The following RGS6 variants were observed in gnomAD, a reference collection of about 807,000 sequenced individuals.
RGS6 encodes regulator of G protein signaling 6.
Under a neutral mutation model 78.5 loss-of-function variants are expected in RGS6, and 30 were observed. That is an observed-to-expected ratio of 0.38 (90% confidence interval 0.29 to 0.52). The LOEUF (loss-of-function observed/expected upper bound fraction) is 0.52. Among genes scored for constraint, RGS6 ranks in the 20% least tolerant of loss-of-function variants. The probability of loss-of-function intolerance (pLI) is 0.85; values close to 1 mark genes in which losing one functional copy is unlikely to be tolerated. For synonymous variants in RGS6, 206 were observed against 206.0 expected, an observed-to-expected ratio of 1.00 and a Z score of 0.00; for missense variants, 495 against 609.7, an observed-to-expected ratio of 0.81 and a Z score of 1.98.
intron 2 of RGS6, among the ~76,000 whole-genome samples, chr14:72,001,508 A>G (rs2083427990): frequency 3.4e-5 from 3 of 88,522 alleles, no homozygotes; most frequent in East Asian, 6.6e-4. Context: ...ACACACACAC[A>G]CACACACACA....
At chr14:72,595,778 G>A in the RGS6 span, among the ~76,000 whole-genome samples, 1 of 152,226 alleles carries the variant, frequency 6.6e-6, no homozygotes, top group East Asian at 1.9e-4. Context: ...AGCCTGAGAA[G>A]TGATAAATTA....
intron 3 of RGS6, among the ~76,000 whole-genome samples, chr14:72,353,572 C>T (rs1046079673): frequency 2.6e-5 from 4 of 152,022 alleles, no homozygotes; most frequent in Admixed American, 6.6e-5. Context: ...ATTTGCAGGG[C>T]GAGTGTGACT....
intron 2 of RGS6, among the ~76,000 whole-genome samples, chr14:72,328,923 G>A (rs778031799): frequency 2.0e-5 from 3 of 152,176 alleles, no homozygotes; most frequent in Non-Finnish European, 4.4e-5. Flanking sequence ...CCAGGCTAGA[G>A]TGCAATGGCA....
intron 2 of RGS6, among the ~76,000 whole-genome samples, chr14:72,219,469 A>G (rs1489524411): frequency 2.6e-5 from 4 of 152,174 alleles, no homozygotes; most frequent in Non-Finnish European, 5.9e-5. Flanking sequence ...TTGCCAACTA[A>G]CTAGTGAAGT....
At chr14:72,585,409 T>C in the RGS6 span, among the ~76,000 whole-genome samples, 1 of 152,162 alleles carries the variant, frequency 6.6e-6, no homozygotes, top group Non-Finnish European at 1.5e-5. Flanking sequence ...GAAAGAGCTC[T>C]TCACATCCCA....
At chr14:72,366,810 A>G (rs563263198) in intron 3 of RGS6, among the ~76,000 whole-genome samples, 15 of 152,268 alleles carry the variant, frequency 9.9e-5, no homozygotes, top group Non-Finnish European at 2.1e-4. Context: ...GGTGATAGAC[A>G]TATCCTGGGC....
rs886256548 is a variant in RGS6 at position 72,471,688 on chromosome 14, T to G, written c.537-1184T>G. Among the ~76,000 whole-genome samples, 45 of 152,284 alleles carry G rather than the reference T, an allele frequency of 3.0e-4. 1 individual carries two copies. Among genetic ancestry groups the G allele is most frequent in the South Asian group, 6.2e-4 (3 of 4,824 alleles). ...CCTCCCCCCACAGTCTCTGCCTTTC[T>G]CCTGTCCATGATGCCAGCCACCTCC... On this transcript the variant is annotated intron_variant, in intron 8 of 17. Transcript: ENST00000553525.
chr14:71,903,575 T>A, the RGS6 span, among the ~76,000 whole-genome samples: 1 of 152,140 alleles, frequency 6.6e-6, no homozygotes, highest in African/African-American at 2.4e-5. Flanking sequence ...AGTCAGACAG[T>A]CATACCTTGA....
In RGS6 at chr14:72,510,059, G is replaced by A; in HGVS notation, c.966-95G>A. On this transcript the variant is annotated intron_variant, in intron 13 of 17. Coordinates refer to ENST00000553525, the MANE Select transcript of RGS6 (RefSeq NM_001204424.2). ...AATATGAGATGTTTCCCTTTGGTGA[G>A]TGACTGCAAAACAGACTTGAGTCAC... 2.2e-6 allele frequency: 3 copies of A among 1,388,964 alleles called. No homozygotes were observed. The South Asian group carries it at 4.4e-5, about 21-fold the overall frequency. 86.0% of individuals were successfully genotyped at this position (1,388,964 alleles called of 1,614,324 possible).
intron 2 of RGS6, among the ~76,000 whole-genome samples, chr14:72,271,871 C>T (rs1228263628): frequency 6.6e-6 from 1 of 151,612 alleles, no homozygotes; most frequent in Non-Finnish European, 1.5e-5. Context: ...TGCCCCTTCC[C>T]TTCTTCAAAG....
chr14:72,141,744 C>T (rs1281775954), intron 2 of RGS6, among the ~76,000 whole-genome samples: 4 of 152,064 alleles, frequency 2.6e-5, no homozygotes, highest in African/African-American at 7.2e-5. Context: ...TGAGTTCCTC[C>T]AGGATATGGC....
At chr14:72,033,669 T>G (rs2091257173) in intron 2 of RGS6, among the ~76,000 whole-genome samples, 1 of 152,200 alleles carries the variant, frequency 6.6e-6, no homozygotes, top group South Asian at 2.1e-4. Flanking sequence ...AAAGCATGGT[T>G]TCTGCTGAAT....
intron 15 of RGS6, among the ~76,000 whole-genome samples, chr14:72,532,648 G>A (rs1040725625): frequency 1.3e-5 from 2 of 152,230 alleles, no homozygotes; most frequent in African/African-American, 4.8e-5. Flanking sequence ...TGCTACTCCA[G>A]TGAACACACA....
chr14:72,293,556 TTCCATATATTCTTAGAATCCATAGGA>T (rs1451925963), intron 2 of RGS6, among the ~76,000 whole-genome samples: 1 of 151,638 alleles, frequency 6.6e-6, no homozygotes, highest in Non-Finnish European at 1.5e-5. Flanking sequence ...AGAAACAAAA[TTCCATATATTCTTAGAATCCATAGGA>T]TCCATATATT....
intron 1 of RGS6, among the ~76,000 whole-genome samples, chr14:71,935,087 C>T (rs562153919): frequency 6.6e-6 from 1 of 152,134 alleles, no homozygotes; most frequent in South Asian, 2.1e-4. Flanking sequence ...ATATATTTAC[C>T]AAATTTCATC....
intron 2 of RGS6, among the ~76,000 whole-genome samples, chr14:72,096,143 C>T (rs578154803): frequency 1.3e-4 from 20 of 152,092 alleles, no homozygotes; most frequent in African/African-American, 3.4e-4. Context: ...TGCGGTGGCA[C>T]GCACCTGTAA....
At chr14:72,013,496 T>C (rs1000055373) in intron 2 of RGS6, among the ~76,000 whole-genome samples, 3 of 152,154 alleles carry the variant, frequency 2.0e-5, no homozygotes, top group African/African-American at 7.2e-5. Flanking sequence ...CAGATTCATA[T>C]ATTGACAAAT....
chr14:71,977,347 A>T (rs28778082), intron 2 of RGS6, among the ~76,000 whole-genome samples: 21,873 of 29,268 alleles, frequency 0.75, 9,254 homozygotes, highest in East Asian at 0.97. Flanking sequence ...CATGCCTATG[A>T]CCTGAATGGT....
intron 1 of RGS6, among the ~76,000 whole-genome samples, chr14:71,937,721 A>G (rs951257651): frequency 6.6e-6 from 1 of 152,238 alleles, no homozygotes; most frequent in Non-Finnish European, 1.5e-5. Context: ...GCATTCCGTG[A>G]GTCCACAGAT....
Sources: gnomAD v4.1 joint callset for allele counts (sites outside exome capture counted in the v4.1 genomes callset) on GRCh38, gnomAD v4.1.1 for gene constraint, MANE v1.5 for transcripts, NCBI Gene and HGNC (gene_info 2026-07-23, HGNC 2026-07-21) for gene names.